RASGEF1C: variants seen among roughly 807,000 people sequenced by gnomAD.
The protein encoded by RASGEF1C is RasGEF domain family member 1C.
RASGEF1C carries 27 observed loss-of-function variants against 58.1 expected under a neutral mutation model. The observed-to-expected ratio is 0.46, with a 90% CI of 0.34 to 0.64. The LOEUF (loss-of-function observed/expected upper bound fraction) is 0.64. Ranked by LOEUF, RASGEF1C falls within the 30% of genes least tolerant of loss-of-function variation. The probability of loss-of-function intolerance (pLI) is 0.01; values close to 1 mark genes in which losing one functional copy is unlikely to be tolerated. For synonymous variants in RASGEF1C, 243 were observed against 246.3 expected (o/e 0.99, Z 0.13); for missense variants, 502 against 605.1 (o/e 0.83, Z 1.79).
At chr5:180,162,931 C>G (rs75156382) in intron 1 of RASGEF1C, among the ~76,000 whole-genome samples, 4,490 of 152,134 alleles carry the variant, frequency 0.03, 95 homozygotes, top group South Asian at 0.093. Context: ...GTTTTCAGCA[C>G]GCAGATACTG....
intron 6 of RASGEF1C, among the ~76,000 whole-genome samples, chr5:180,125,296 A>T (rs1321715077): frequency 6.6e-6 from 1 of 152,264 alleles, no homozygotes; most frequent in Non-Finnish European, 1.5e-5. Flanking sequence ...TCATGATGAG[A>T]ATTCTGAGAA....
rs1766511457 is a variant in RASGEF1C, at chr5:180,137,881, GGTA to G, written c.169_171del (p.Tyr57del). 1 of 1,612,428 alleles carries G rather than the reference GGTA, an allele frequency of 6.2e-7. No homozygotes were observed. The highest frequency in any genetic ancestry group is 1.3e-5 in the African/African-American group (1 of 75,018). ...CCGCTGGGTGGATCACCCACCTCGG[GGTA>G]GTAGTCGGCTGTGGGCACCAGGTGC... On this transcript the variant is annotated inframe_deletion, in exon 2 of 14. Transcript: ENST00000361132. The surrounding 1 kb of genome is among the most constrained non-coding windows in gnomAD (Gnocchi z 4.1).
intron 3 of RASGEF1C, 141 bp from the exon 4 acceptor site, chr5:180,136,656 C>T (rs1462111417): frequency 7.0e-6 from 6 of 860,478 alleles, no homozygotes; most frequent in Non-Finnish European, 1.1e-5. Flanking sequence ...GAGGGGGGTG[C>T]GATCCTGCTC....
chr5:180,199,626 C>T (rs968546458), intron 1 of RASGEF1C, among the ~76,000 whole-genome samples: 1 of 152,112 alleles, frequency 6.6e-6, no homozygotes. Flanking sequence ...TCAGCTTATT[C>T]AAAATTCATA....
chr5:180,172,002 G>A (rs529463487), intron 1 of RASGEF1C, among the ~76,000 whole-genome samples: 9 of 152,270 alleles, frequency 5.9e-5, no homozygotes, highest in African/African-American at 1.9e-4. Flanking sequence ...GGGGTCAGTG[G>A]GTGCACTAAA....
At position 180,122,557 on chromosome 5, in the gene RASGEF1C, A is replaced by T. The variant is rs558748151; in HGVS notation, c.715-1408T>A. On this transcript the variant is annotated intron_variant, in intron 6 of 13. Coordinates refer to ENST00000361132, the MANE Select transcript of RASGEF1C (RefSeq NM_175062.4). ...GGAGTTCAGGAACAGCCTGGTCAACATGATGAAACTCTGTCTCTACTAAAT... is the reference window on the plus strand; with the variant it reads ...GGAGTTCAGGAACAGCCTGGTCAACTTGATGAAACTCTGTCTCTACTAAAT... 2.6e-5 allele frequency among the ~76,000 whole-genome samples: 4 copies of T among 152,268 alleles called. No individual in the cohort carries two copies. The South Asian group carries it at 8.3e-4, about 32-fold the overall frequency.
chr5:180,101,358 G>A lies in RASGEF1C; in HGVS notation c.*143C>T. Reference sequence around the variant, plus strand: ...GTGCCCGTATGGCCACTGTGGGGGGGGGGGGGGCGGGCAGCAGGCCACAGG... The same window carrying A: ...GTGCCCGTATGGCCACTGTGGGGGGAGGGGGGGCGGGCAGCAGGCCACAGG... On this transcript the variant is annotated 3_prime_UTR_variant, in exon 14 of 14. Coordinates refer to ENST00000361132, the MANE Select transcript of RASGEF1C (RefSeq NM_175062.4). 1.2e-6 allele frequency: 1 copy of A among 850,884 alleles called. No individual in the cohort carries two copies. The highest frequency in any genetic ancestry group is 1.8e-6 in the Non-Finnish European group (1 of 563,486). The allele number at this position is 850,884 out of a possible 1,614,324, so 52.7% of individuals were successfully genotyped here. A position where few individuals can be genotyped will look rare whatever the true frequency, so the allele number is the denominator to read the frequency against.
intron 1 of RASGEF1C, among the ~76,000 whole-genome samples, chr5:180,208,494 G>A (rs960484698): frequency 1.3e-5 from 2 of 152,160 alleles, no homozygotes; most frequent in Admixed American, 1.3e-4. Flanking sequence ...GACACACCCA[G>A]GACTCCCAGC....
At chr5:180,190,635 T>C (rs559380028) in intron 1 of RASGEF1C, among the ~76,000 whole-genome samples, 1 of 151,130 alleles carries the variant, frequency 6.6e-6, no homozygotes, top group South Asian at 2.1e-4. Flanking sequence ...ACCACTGCTC[T>C]CCAGCCTAGG....
At chr5:180,120,056 C>A (rs1561733890) in intron 7 of RASGEF1C, among the ~76,000 whole-genome samples, 1 of 152,174 alleles carries the variant, frequency 6.6e-6, no homozygotes, top group African/African-American at 2.4e-5. Context: ...CTGCAGCCAG[C>A]GGCGTGAGGG....
At chr5:180,116,586 G>C (rs1277567857) in intron 10 of RASGEF1C, among the ~76,000 whole-genome samples, 1 of 152,250 alleles carries the variant, frequency 6.6e-6, no homozygotes, top group East Asian at 1.9e-4. Flanking sequence ...CCCGCCTACA[G>C]CACCAATGCA....
At chr5:180,140,899 G>C (rs1463858501) in intron 1 of RASGEF1C, among the ~76,000 whole-genome samples, 1 of 152,216 alleles carries the variant, frequency 6.6e-6, no homozygotes. Flanking sequence ...TATATGCTTA[G>C]GTGTCAGGAG....
At chr5:180,202,893 G>A (rs993815231) in intron 1 of RASGEF1C, among the ~76,000 whole-genome samples, 17 of 151,940 alleles carry the variant, frequency 1.1e-4, no homozygotes, top group African/African-American at 1.9e-4. Flanking sequence ...TAGTAGAGAC[G>A]GGGTTTCACC....
chr5:180,102,203 A>G, intron 12 of RASGEF1C, 60 bp from the exon 13 acceptor site: 1 of 994,122 alleles, frequency 1.0e-6, no homozygotes, highest in Non-Finnish European at 1.6e-6. Flanking sequence ...CCTGTTCTAC[A>G]CCTGCTATAT....
chr5:180,161,804 C>A (rs1766949593), intron 1 of RASGEF1C, among the ~76,000 whole-genome samples: 1 of 152,234 alleles, frequency 6.6e-6, no homozygotes, highest in South Asian at 2.1e-4. Context: ...TCACACAGAC[C>A]CACCTGCGGG....
At position 180,121,385 on chromosome 5, in the gene RASGEF1C, C is replaced by T. The variant is rs537519186; in HGVS notation, c.715-236G>A. On this transcript the variant is annotated intron_variant, in intron 6 of 13. Coordinates refer to ENST00000361132, the MANE Select transcript of RASGEF1C (RefSeq NM_175062.4). Reference sequence around the variant, plus strand: ...CTGGAGTGCGGTGGCGCGATCTCGGCTCACTGCAAGCTCCGCCTCCCGGGT... The same window carrying T: ...CTGGAGTGCGGTGGCGCGATCTCGGTTCACTGCAAGCTCCGCCTCCCGGGT... Among the ~76,000 whole-genome samples, 31 of 151,710 alleles carry T rather than the reference C, an allele frequency of 2.0e-4. No homozygotes were observed. The East Asian group carries it at 2.1e-3, about 10-fold the overall frequency.
intron 1 of RASGEF1C, among the ~76,000 whole-genome samples, chr5:180,183,653 C>T (rs1755953099): frequency 6.6e-6 from 1 of 151,844 alleles, no homozygotes; most frequent in African/African-American, 2.4e-5. Flanking sequence ...GGAGAAATTC[C>T]GTCTCTACTA....
At chr5:180,161,250 G>T (rs1339981300) in intron 1 of RASGEF1C, among the ~76,000 whole-genome samples, 1 of 152,270 alleles carries the variant, frequency 6.6e-6, no homozygotes, top group Admixed American at 6.5e-5. Flanking sequence ...GTGCAGGGAG[G>T]CCCTGAGGAC....
intron 1 of RASGEF1C, among the ~76,000 whole-genome samples, chr5:180,174,431 CGTGT>C (rs1181129416): frequency 6.9e-6 from 1 of 145,518 alleles, no homozygotes; most frequent in African/African-American, 2.5e-5. Flanking sequence ...CATGTGCACA[CGTGT>C]GTGTCTGTGC....
Sources: gnomAD v4.1 joint callset for allele counts (sites outside exome capture counted in the v4.1 genomes callset) on GRCh38, gnomAD v4.1.1 for gene constraint, Gnocchi (gnomAD v3.1) non-coding constraint, MANE v1.5 for transcripts, NCBI Gene and HGNC (gene_info 2026-07-23, HGNC 2026-07-21) for gene names.